KCNQ1: variants seen among roughly 807,000 people sequenced by gnomAD.
The protein encoded by KCNQ1 is potassium voltage-gated channel subfamily KQT member 1.
A neutral mutation model predicts 72.4 loss-of-function variants in KCNQ1; 49 were observed. That is an observed-to-expected ratio of 0.68 (90% CI 0.54 to 0.86). KCNQ1 has a LOEUF of 0.86. Ranked by LOEUF, KCNQ1 falls within the 40% of genes least tolerant of loss-of-function variation. The pLI, the probability that KCNQ1 is intolerant of heterozygous loss-of-function variation, is 0.00. For missense variants in KCNQ1, 790 were observed against 945.1 expected (o/e 0.84, Z 2.15); for synonymous variants, 450 against 412.6 (o/e 1.09, Z -1.10).
In KCNQ1 at chr11:2,598,214, C is replaced by T. The variant is rs189832477; in HGVS notation, c.1393+9360C>T. On this transcript the variant is annotated intron_variant, in intron 10 of 15. Transcript: ENST00000155840. This position sits in a 1 kb window ranked among gnomAD's most constrained non-coding sequence, Gnocchi z 6.2. ...TCTGATTGCAGCTTTAGCTGTGACACGTAGATCTGATTATGAAATATGTTC... is the reference window on the plus strand; with the variant it reads ...TCTGATTGCAGCTTTAGCTGTGACATGTAGATCTGATTATGAAATATGTTC... 2.2e-4 allele frequency among the ~76,000 whole-genome samples: 34 copies of T among 152,246 alleles called. No homozygotes were observed. Among genetic ancestry groups the T allele is most frequent in the East Asian group, 1.7e-3 (9 of 5,186 alleles).
chr11:2,513,269 T>A lies in KCNQ1; in HGVS notation c.387-14659T>A, dbSNP rs184003524. On this transcript the variant is annotated intron_variant, in intron 1 of 15. Coordinates refer to ENST00000155840, the MANE Select transcript of KCNQ1 (RefSeq NM_000218.3). The stretch of plus-strand genomic sequence containing the variant: ...CTGAGCCCTCTTTGCTCTTCTTGGC[T>A]GTTCCCTGATATGGCCACGCAGAGA... 6.0e-4 allele frequency among the ~76,000 whole-genome samples: 92 copies of A among 152,282 alleles called. 1 individual carries two copies. The East Asian group carries it at 0.012, about 20-fold the overall frequency.
In KCNQ1 at chr11:2,565,148, CAG is replaced by C. The variant is rs1848228660; in HGVS notation, c.478-5478_478-5477del. On this transcript the variant is annotated intron_variant, in intron 2 of 15. Coordinates refer to ENST00000155840, the MANE Select transcript of KCNQ1 (RefSeq NM_000218.3). This position sits in a 1 kb window ranked among gnomAD's most constrained non-coding sequence, Gnocchi z 5.6. ...TTTTTTTTCTGGCATGTTATTTAAA[CAG>C]ACTATTTGTTAGAGCAGTTTTAGGT... Among the ~76,000 whole-genome samples the C allele has an allele frequency of 2.0e-5, 3 of 152,142 alleles. No individual in the cohort carries two copies. Among genetic ancestry groups the C allele is most frequent in the African/African-American group, 7.2e-5 (3 of 41,424 alleles).
chr11:2,713,631 T>C lies in KCNQ1; in HGVS notation c.1514+51550T>C, dbSNP rs1851042153. 6.6e-6 allele frequency among the ~76,000 whole-genome samples: 1 copy of C among 152,156 alleles called. No homozygotes were observed. Among genetic ancestry groups the C allele is most frequent in the South Asian group, 2.1e-4 (1 of 4,832 alleles). On this transcript the variant is annotated intron_variant, in intron 11 of 15. Coordinates refer to ENST00000155840, the MANE Select transcript of KCNQ1 (RefSeq NM_000218.3). This position sits in a 1 kb window ranked among gnomAD's most constrained non-coding sequence, Gnocchi z 5.6. ...AAGAGAAAAAAGTGAGCTGACATTATGGGTCGGCCCCTGTTCTGGAGGCCA... is the reference window on the plus strand; with the variant it reads ...AAGAGAAAAAAGTGAGCTGACATTACGGGTCGGCCCCTGTTCTGGAGGCCA...
intron 1 of KCNQ1, among the ~76,000 whole-genome samples, chr11:2,470,935 T>C (rs1257806112): frequency 6.6e-6 from 1 of 152,194 alleles, no homozygotes; most frequent in Non-Finnish European, 1.5e-5. Context: ...ACAGATTTTC[T>C]GTTTTCTTCC....
intron 6 of KCNQ1, among the ~76,000 whole-genome samples, chr11:2,575,663 C>T (rs1475075471): frequency 1.3e-5 from 2 of 152,206 alleles, no homozygotes; most frequent in African/African-American, 4.8e-5. Context: ...AGGGCTGCTC[C>T]ATGTCTGTCC....
chr11:2,643,157 G>T (rs1002439195), intron 10 of KCNQ1: 7 of 398,148 alleles, frequency 1.8e-5, no homozygotes, highest in Non-Finnish European at 3.1e-5. Flanking sequence ...GAACTGGTCT[G>T]TAAATGTCTG....
rs546571744 is a variant in KCNQ1, at chr11:2,786,963, T to C, written c.1794+8926T>C. ...ATTTCGTTTCTGTTTTTTTTTTTTT[T>C]TTCATTGTAAACTTATATATCTTAA... On this transcript the variant is annotated intron_variant, in intron 15 of 15. Coordinates refer to ENST00000155840, the MANE Select transcript of KCNQ1 (RefSeq NM_000218.3). 2.4e-3 allele frequency among the ~76,000 whole-genome samples: 360 copies of C among 151,612 alleles called. 3 individuals are homozygous for C. Among genetic ancestry groups the C allele is most frequent in the African/African-American group, 8.2e-3 (338 of 41,362 alleles).
In KCNQ1 at chr11:2,458,633, CTGGATGGATGGATGGA is replaced by C. The variant is rs36157752; in HGVS notation, c.386+13187_386+13202del. ...GCTCCCATCCACAATGCTTCCTTGC[CTGGATGGATGGATGGA>C]TGGATGGATGGATGGATGGATGGAT... On this transcript the variant is annotated intron_variant, in intron 1 of 15. Coordinates refer to ENST00000155840, the MANE Select transcript of KCNQ1 (RefSeq NM_000218.3). The surrounding 1 kb of genome is among the most constrained non-coding windows in gnomAD (Gnocchi z 4.6). 9.8e-4 allele frequency among the ~76,000 whole-genome samples: 147 copies of C among 149,936 alleles called. No homozygotes were observed. The highest frequency in any genetic ancestry group is 2.3e-3 in the African/African-American group (96 of 41,042).
rs1158111937 is a variant in KCNQ1, at chr11:2,762,685, C to T, written c.1515-6159C>T. ...CAGATCAGTGGTGGCATTAGATTCT[C>T]GCAGGAGCGCGAACCCTGTTGTGAA... On this transcript the variant is annotated intron_variant, in intron 11 of 15. Coordinates refer to ENST00000155840, the MANE Select transcript of KCNQ1 (RefSeq NM_000218.3). The surrounding 1 kb of genome is among the most constrained non-coding windows in gnomAD (Gnocchi z 4.3). 2.6e-5 allele frequency among the ~76,000 whole-genome samples: 4 copies of T among 152,176 alleles called. No homozygotes were observed. Among genetic ancestry groups the T allele is most frequent in the African/African-American group, 4.8e-5 (2 of 41,452 alleles).
rs1211128781 is a variant in KCNQ1, at chr11:2,669,689, T to C, written c.1514+7608T>C. On this transcript the variant is annotated intron_variant, in intron 11 of 15. Transcript: ENST00000155840. The surrounding 1 kb of genome is among the most constrained non-coding windows in gnomAD (Gnocchi z 5.6). ...GTATTAGTGTAAGGCCTTGAGGAGA[T>C]GGTGTTAGGCATCCAGCCACATACC... The C allele has an allele frequency of 1.5e-5, 6 of 398,472 alleles. No homozygotes were observed. The highest frequency in any genetic ancestry group is 2.7e-5 in the Non-Finnish European group (6 of 226,078). The allele number at this position is 398,472 out of a possible 1,614,324, so 24.7% of individuals were successfully genotyped here.
In KCNQ1 at chr11:2,509,177, A is replaced by G. The variant is rs1259837789; in HGVS notation, c.387-18751A>G. ...GCACACAGCACAGGTTGGGAGAGCA[A>G]CTATCTCAAGGCTTTTATTTGCTGT... On this transcript the variant is annotated intron_variant, in intron 1 of 15. Coordinates refer to ENST00000155840, the MANE Select transcript of KCNQ1 (RefSeq NM_000218.3). The surrounding 1 kb of genome is among the most constrained non-coding windows in gnomAD (Gnocchi z 6.3). 6.6e-6 allele frequency among the ~76,000 whole-genome samples: 1 copy of G among 152,236 alleles called. No individual in the cohort carries two copies. The highest frequency in any genetic ancestry group is 1.9e-4 in the East Asian group (1 of 5,198).
chr11:2,706,186 G>C (rs1850908919), intron 11 of KCNQ1, among the ~76,000 whole-genome samples: 1 of 152,230 alleles, frequency 6.6e-6, no homozygotes, highest in African/African-American at 2.4e-5. Flanking sequence ...TGGCTGGACT[G>C]TGATTTGCTT....
Position 2,695,683 on chromosome 11 carries a change from CTCTT to C in KCNQ1, c.1514+33603_1514+33606del. 1 of 398,632 alleles carries C rather than the reference CTCTT, an allele frequency of 2.5e-6. No individual in the cohort carries two copies. Among genetic ancestry groups the C allele is most frequent in the Non-Finnish European group, 4.4e-6 (1 of 226,074 alleles). 24.7% of individuals were successfully genotyped at this position (398,632 alleles called of 1,614,324 possible). A position where few individuals can be genotyped will look rare whatever the true frequency, so the allele number is the denominator to read the frequency against. On this transcript the variant is annotated intron_variant, in intron 11 of 15. Coordinates refer to ENST00000155840, the MANE Select transcript of KCNQ1 (RefSeq NM_000218.3). This position sits in a 1 kb window ranked among gnomAD's most constrained non-coding sequence, Gnocchi z 5.2. ...TATTTGAGGAAGAAGTGTTGGCCAG[CTCTT>C]CAGAACGTCTGTGCCTGTCTCCGTC...
At position 2,523,515 on chromosome 11, in the gene KCNQ1, A is replaced by G. The variant is rs549930286; in HGVS notation, c.387-4413A>G. On this transcript the variant is annotated intron_variant, in intron 1 of 15. Coordinates refer to ENST00000155840, the MANE Select transcript of KCNQ1 (RefSeq NM_000218.3). ...GCGCCCGGCCCCACCACTGCTTTCT[A>G]TGCTGTGGCCGAGGTCACCAACTGC... 2.0e-5 allele frequency among the ~76,000 whole-genome samples: 3 copies of G among 152,242 alleles called. No individual in the cohort carries two copies. In the East Asian group the frequency reaches 5.8e-4, roughly 29 times the overall value.
chr11:2,753,776 G>A (rs567685979), intron 11 of KCNQ1, among the ~76,000 whole-genome samples: 3 of 152,250 alleles, frequency 2.0e-5, no homozygotes, highest in Non-Finnish European at 4.4e-5. Context: ...TTCATCCACT[G>A]GTGTATTCCT....
intron 12 of KCNQ1, among the ~76,000 whole-genome samples, chr11:2,774,357 G>T (rs763809213): frequency 1.7e-4 from 26 of 152,212 alleles, no homozygotes; most frequent in Non-Finnish European, 3.1e-4. Context: ...GCCCAGTGTG[G>T]CCCCAGGAGC....
In KCNQ1 at chr11:2,752,408, C is replaced by T. The variant is rs998492233; in HGVS notation, c.1515-16436C>T. Among the ~76,000 whole-genome samples, 5 of 151,956 alleles carry T rather than the reference C, an allele frequency of 3.3e-5. No individual in the cohort carries two copies. The highest frequency in any genetic ancestry group is 4.8e-5 in the African/African-American group (2 of 41,344). ...AGCTGGTGTGTGCCAGGTGGTCTCTCGGGGGGTCCGATGGGATACCTAGTG... is the reference window on the plus strand; with the variant it reads ...AGCTGGTGTGTGCCAGGTGGTCTCTTGGGGGGTCCGATGGGATACCTAGTG... On this transcript the variant is annotated intron_variant, in intron 11 of 15. Coordinates refer to ENST00000155840, the MANE Select transcript of KCNQ1 (RefSeq NM_000218.3). This position sits in a 1 kb window ranked among gnomAD's most constrained non-coding sequence, Gnocchi z 5.2.
At chr11:2,514,797 G>A (rs1051482591) in intron 1 of KCNQ1, among the ~76,000 whole-genome samples, 5 of 152,214 alleles carry the variant, frequency 3.3e-5, no homozygotes, top group African/African-American at 1.2e-4. Flanking sequence ...CTGCACTCCA[G>A]CCTGGGCGAC....
intron 7 of KCNQ1, among the ~76,000 whole-genome samples, chr11:2,584,668 GGTTA>G (rs1848565973): frequency 1.3e-5 from 2 of 151,280 alleles, no homozygotes; most frequent in African/African-American, 4.9e-5. Flanking sequence ...TTAGTGTGTG[GGTTA>G]GTGTTTGTGT....
Sources: allele counts gnomAD v4.1 joint callset (sites outside exome capture counted in the v4.1 genomes callset), GRCh38; gene constraint gnomAD v4.1.1; non-coding constraint Gnocchi (gnomAD v3.1); transcripts MANE v1.5; gene names NCBI Gene and HGNC (gene_info 2026-07-23, HGNC 2026-07-21).